Variants in MAST4 observed in about 807,000 individuals in gnomAD.
The protein encoded by MAST4 is microtubule associated serine/threonine kinase family member 4, also known as microtubule-associated serine/threonine-protein kinase 4.
A neutral mutation model predicts 162.7 loss-of-function variants in MAST4; 89 were observed. That is an observed-to-expected ratio of 0.55 (90% CI 0.46 to 0.65). The LOEUF (loss-of-function observed/expected upper bound fraction) is 0.65, where lower values mean the gene tolerates loss of function less well. MAST4 is among the 30% of genes least tolerant of loss of function. The pLI is 0.00. For missense variants in MAST4, 3,153 were observed against 3,374.0 expected (o/e 0.93, Z 1.62); for synonymous variants, 1,479 against 1,361.1 (o/e 1.09, Z -1.91).
At chr5:66,922,666 A>G (rs551456184) in intron 4 of MAST4, among the ~76,000 whole-genome samples, 96 of 152,332 alleles carry the variant, frequency 6.3e-4, no homozygotes, top group African/African-American at 2.2e-3. Flanking sequence ...TTAGAAAGGG[A>G]TAGGACTCTT....
intron 3 of MAST4, among the ~76,000 whole-genome samples, chr5:66,849,013 TC>T (rs1759103278): frequency 6.6e-6 from 1 of 152,244 alleles, no homozygotes; most frequent in Admixed American, 6.5e-5. Context: ...GGTCAGAGCC[TC>T]TGCAAAACAG....
chr5:67,050,828 G>A (rs1388921796), intron 4 of MAST4, among the ~76,000 whole-genome samples: 1 of 152,174 alleles, frequency 6.6e-6, no homozygotes, highest in Non-Finnish European at 1.5e-5. Flanking sequence ...GTTTTTCCAT[G>A]TGCTGCTTCA....
At chr5:67,040,333 G>C (rs910200168) in intron 4 of MAST4, among the ~76,000 whole-genome samples, 2 of 152,166 alleles carry the variant, frequency 1.3e-5, no homozygotes, top group African/African-American at 4.8e-5. Flanking sequence ...TGTCTGGCTA[G>C]ATCTGTTGGT....
intron 4 of MAST4, among the ~76,000 whole-genome samples, chr5:66,936,558 G>A (rs115977938): frequency 0.013 from 1,948 of 152,240 alleles, 14 homozygotes; most frequent in Admixed American, 0.022. Context: ...CAGGAGTACG[G>A]GTCACAAGGT....
chr5:66,720,025 C>T (rs943652688), intron 1 of MAST4, among the ~76,000 whole-genome samples: 3 of 152,176 alleles, frequency 2.0e-5, no homozygotes, highest in African/African-American at 7.2e-5. Flanking sequence ...ACCATTAATA[C>T]TGCAGCTAAT....
rs770546334 is a variant in MAST4, at chr5:67,166,353, T to G, written c.7174T>G (p.Ser2392Ala). ...GGGCGACAAGCTCGAGGCCGGCCTTTCCTTTGTGCATAGCGAGAACCGGTT... is the reference window on the plus strand; with the variant it reads ...GGGCGACAAGCTCGAGGCCGGCCTTGCCTTTGTGCATAGCGAGAACCGGTT... Reference protein sequence around the residue: ...AEGDKLEAGLSFVHSENRLKG... With the variant: ...AEGDKLEAGLAFVHSENRLKG... Residue 2392 changes from serine (S) to alanine (A), a missense_variant, in exon 29 of 29, where the codon TCC (serine) becomes GCC (alanine). This residue lies in a region of MAST4 where 1,644 missense variants were observed against 1,495.0 expected (regional missense o/e 1.10). Transcript: ENST00000403625. 1.1e-5 allele frequency: 17 copies of G among 1,609,886 alleles called. 1 individual carries two copies. In the Admixed American group the frequency reaches 1.8e-4, roughly 17 times the overall value.
chr5:67,142,010 C>T (rs568733306), intron 19 of MAST4, 105 bp from the exon 20 acceptor site: 1 of 1,161,986 alleles, frequency 8.6e-7, no homozygotes, highest in Admixed American at 2.4e-5. Context: ...GTCTGTATTT[C>T]TTTGCTGATA....
chr5:67,037,688 G>C (rs1481988282), intron 4 of MAST4, among the ~76,000 whole-genome samples: 1 of 152,160 alleles, frequency 6.6e-6, no homozygotes, highest in African/African-American at 2.4e-5. Context: ...TCTTAGAAGA[G>C]AGAGTAGAAA....
intron 1 of MAST4, among the ~76,000 whole-genome samples, chr5:66,751,794 C>T (rs372236115): frequency 1.4e-3 from 207 of 149,134 alleles, no homozygotes; most frequent in Non-Finnish European, 1.9e-3. Flanking sequence ...ATACAGAGAA[C>T]GCCACAAAGA....
chr5:67,139,356 T>A (rs1361469166), intron 19 of MAST4, among the ~76,000 whole-genome samples: 1 of 152,238 alleles, frequency 6.6e-6, no homozygotes, highest in Non-Finnish European at 1.5e-5. Flanking sequence ...TTAAGAAACT[T>A]CCATGAAAGG....
chr5:66,993,927 C>CA (rs1554078120), intron 4 of MAST4, among the ~76,000 whole-genome samples: 1 of 85,134 alleles, frequency 1.2e-5, no homozygotes, highest in African/African-American at 4.3e-5. Context: ...AAGACCCCCC[C>CA]CCCCACCCCA....
At chr5:66,937,793 C>G (rs1742918600) in intron 4 of MAST4, among the ~76,000 whole-genome samples, 1 of 151,846 alleles carries the variant, frequency 6.6e-6, no homozygotes, top group Admixed American at 6.6e-5. Context: ...CCTGTGGCAT[C>G]TAATTTTTTC....
At chr5:66,963,837 C>T in intron 4 of MAST4, 2 of 777,154 alleles carry the variant, frequency 2.6e-6, no homozygotes, top group Non-Finnish European at 4.8e-6. Context: ...TTCTGTTGCC[C>T]CATTTCCCAC....
At chr5:66,816,887 G>A (rs57246240) in intron 3 of MAST4, among the ~76,000 whole-genome samples, 37,988 of 152,020 alleles carry the variant, frequency 0.25, 5,813 homozygotes, top group Non-Finnish European at 0.35. Flanking sequence ...CCTGTTTGTG[G>A]CCTTAGTTTT....
At chr5:66,694,098 T>C (rs1247764854) in intron 1 of MAST4, among the ~76,000 whole-genome samples, 2 of 152,184 alleles carry the variant, frequency 1.3e-5, no homozygotes, top group African/African-American at 4.8e-5. Context: ...GTTTTCAAGA[T>C]GGACTAAGCA....
At chr5:66,818,864 G>T (rs1177247600) in intron 3 of MAST4, among the ~76,000 whole-genome samples, 1 of 152,148 alleles carries the variant, frequency 6.6e-6, no homozygotes, top group Non-Finnish European at 1.5e-5. Context: ...ATGACCTTGG[G>T]CTCTTCTTGG....
chr5:66,847,649 CAACAACAACAAA>C (rs1758955046), intron 3 of MAST4, among the ~76,000 whole-genome samples: 1 of 150,804 alleles, frequency 6.6e-6, no homozygotes, highest in Admixed American at 6.6e-5. Context: ...AATAAAACAA[CAACAACAACAAA>C]AACACAAATA....
At chr5:67,042,529 T>A (rs988813040) in intron 4 of MAST4, among the ~76,000 whole-genome samples, 1 of 152,182 alleles carries the variant, frequency 6.6e-6, no homozygotes, top group Non-Finnish European at 1.5e-5. Flanking sequence ...CTCTTTTTTT[T>A]TTTTTCCGCG....
intron 3 of MAST4, among the ~76,000 whole-genome samples, chr5:66,895,769 T>C (rs1235262770): frequency 1.3e-5 from 2 of 152,200 alleles, no homozygotes; most frequent in Non-Finnish European, 2.9e-5. Context: ...ATTTATGTGT[T>C]CATTTCTTCT....
Sources: gnomAD v4.1 joint callset for allele counts (sites outside exome capture counted in the v4.1 genomes callset) on GRCh38, gnomAD v4.1.1 for gene constraint, gnomAD v4.1.1 regional missense constraint, MANE v1.5 for transcripts, NCBI Gene and HGNC (gene_info 2026-07-23, HGNC 2026-07-21) for gene names.